ASMTL: variants seen among roughly 807,000 people sequenced by gnomAD.
ASMTL encodes probable bifunctional dTTP/UTP pyrophosphatase/methyltransferase protein.
In ASMTL, 57 loss-of-function variants were observed where a neutral mutation model predicts 60.3. The observed-to-expected ratio is 0.95, with a 90% CI of 0.76 to 1.18. The LOEUF (loss-of-function observed/expected upper bound fraction) is 1.18. ASMTL is among the 50% of genes most tolerant of loss of function. The pLI is 0.00. For synonymous variants in ASMTL, 419 were observed against 373.0 expected, an observed-to-expected ratio of 1.12 and a Z score of -1.42; for missense variants, 981 against 852.6, an observed-to-expected ratio of 1.15 and a Z score of -1.88.
intron 9 of ASMTL, among the ~76,000 whole-genome samples, chrX:1,419,560 T>G (rs2090416481): frequency 6.6e-6 from 1 of 151,674 alleles, no homozygotes; most frequent in Non-Finnish European, 1.5e-5. Flanking sequence ...AATTCTGGTG[T>G]GCAGAGGAGA....
chrX:1,440,716 C>T (rs766762025), intron 2 of ASMTL, among the ~76,000 whole-genome samples: 1 of 152,242 alleles, frequency 6.6e-6, no homozygotes, highest in Admixed American at 6.5e-5. Context: ...GGTGGATCAC[C>T]TGAGGTCAGG....
intron 2 of ASMTL, chrX:1,441,924 T>C (rs1435774107): frequency 1.3e-5 from 6 of 469,048 alleles, no homozygotes; most frequent in Non-Finnish European, 2.3e-5. Context: ...ACATTAATTG[T>C]ATATCATCAA....
At chrX:1,440,862 T>C (rs1409299133) in intron 2 of ASMTL, among the ~76,000 whole-genome samples, 1 of 152,160 alleles carries the variant, frequency 6.6e-6, no homozygotes, top group African/African-American at 2.4e-5. Context: ...TCATAGTATA[T>C]TACATAGTAT....
At chrX:1,452,913 A>C (rs2091432585), upstream of ASMTL, 1 of 1,243,198 alleles carries the variant, frequency 8.0e-7, no homozygotes, top group African/African-American at 1.6e-5. Context: ...GCGGCTGCAA[A>C]AAAAACAGGC....
chrX:1,453,007 G>C, upstream of ASMTL: 1 of 554,044 alleles, frequency 1.8e-6, no homozygotes, highest in East Asian at 3.6e-5. Context: ...TGGCCTCCCC[G>C]CGAGACCGCG....
chrX:1,415,889 G>C (rs2090228182), intron 11 of ASMTL, among the ~76,000 whole-genome samples: 1 of 151,986 alleles, frequency 6.6e-6, no homozygotes, highest in African/African-American at 2.4e-5. Flanking sequence ...CAGATGCACA[G>C]AAATGCAGAC....
chrX:1,437,065 C>G (rs1490789653), intron 3 of ASMTL, among the ~76,000 whole-genome samples: 4 of 147,182 alleles, frequency 2.7e-5, no homozygotes, highest in Non-Finnish European at 5.9e-5. Flanking sequence ...TCCTCATCTC[C>G]TCTTCTTATG....
intron 6 of ASMTL, among the ~76,000 whole-genome samples, chrX:1,431,200 T>TAATTTATAATTAATTATATATAATTA (rs1569533717): frequency 5.6e-5 from 7 of 124,684 alleles, no homozygotes; most frequent in African/African-American, 2.2e-4. Context: ...TAATTATATA[T>TAATTTATAATTAATTATATATAATTA]CATTTATAAT....
At chrX:1,417,596 C>T (rs1345689728) in intron 11 of ASMTL, among the ~76,000 whole-genome samples, 2 of 150,816 alleles carry the variant, frequency 1.3e-5, no homozygotes, top group African/African-American at 4.9e-5. Flanking sequence ...CGGCTCACAG[C>T]ATGCACACAG....
At chrX:1,408,062 A>C (rs2089932887) in intron 12 of ASMTL, among the ~76,000 whole-genome samples, 1 of 151,834 alleles carries the variant, frequency 6.6e-6, no homozygotes, top group Non-Finnish European at 1.5e-5. Context: ...CTAACAGGGC[A>C]TGATAACAAA....
intron 11 of ASMTL, among the ~76,000 whole-genome samples, chrX:1,417,454 CAG>C (rs2090330430): frequency 1.3e-5 from 2 of 150,600 alleles, no homozygotes; most frequent in South Asian, 2.1e-4. Flanking sequence ...ACATACTACA[CAG>C]ACGTGCACAC....
chrX:1,424,660 TCATCGATC>T (rs1456269023), intron 8 of ASMTL, among the ~76,000 whole-genome samples: 1 of 140,762 alleles, frequency 7.1e-6, no homozygotes, highest in Non-Finnish European at 1.5e-5. Context: ...ATCCACCGAT[TCATCGATC>T]CATCCATCCA....
At chrX:1,421,193 G>A (rs1330353021) in intron 9 of ASMTL, among the ~76,000 whole-genome samples, 1 of 151,872 alleles carries the variant, frequency 6.6e-6, no homozygotes, top group East Asian at 1.9e-4. Flanking sequence ...TCGCACTCCT[G>A]ACCTCAGGTG....
intron 9 of ASMTL, among the ~76,000 whole-genome samples, chrX:1,419,847 T>C (rs1209188160): frequency 6.6e-6 from 1 of 152,224 alleles, no homozygotes; most frequent in Admixed American, 6.5e-5. Flanking sequence ...ATGCCCACGC[T>C]GGCTGCTCAC....
chrX:1,434,941 C>T, intron 5 of ASMTL, 81 bp downstream of exon 5: 1 of 1,512,354 alleles, frequency 6.6e-7, no homozygotes, highest in Non-Finnish European at 9.2e-7. Context: ...CCGTCCTCCT[C>T]CCTCAAGCCA....
At chrX:1,426,938 A>G (rs28406106) in intron 7 of ASMTL, among the ~76,000 whole-genome samples, 97,783 of 151,252 alleles carry the variant, frequency 0.65, 32,517 homozygotes, top group East Asian at 0.83. Flanking sequence ...AGCCGAGATC[A>G]TGCCACTGCA....
chrX:1,405,652 GAGA>G (rs2089798794), intron 12 of ASMTL, among the ~76,000 whole-genome samples: 1 of 151,314 alleles, frequency 6.6e-6, no homozygotes, highest in Admixed American at 6.6e-5. Flanking sequence ...ATGCATGGAT[GAGA>G]TGGATGGATG....
chrX:1,445,652 C>T (rs1245742071), intron 1 of ASMTL, among the ~76,000 whole-genome samples: 1 of 152,010 alleles, frequency 6.6e-6, no homozygotes, highest in East Asian at 1.9e-4. Context: ...AGACCGAGGA[C>T]ACGAGCTCTT....
At chrX:1,453,392 C>T (rs1334231979), upstream of ASMTL, among the ~76,000 whole-genome samples, 32 of 151,764 alleles carry the variant, frequency 2.1e-4, no homozygotes, top group Admixed American at 3.3e-4. Context: ...AAGCACCGCC[C>T]CCAGCTCCGC....
Sources: gnomAD v4.1 joint callset for allele counts (sites outside exome capture counted in the v4.1 genomes callset) on GRCh38, gnomAD v4.1.1 for gene constraint, MANE v1.5 for transcripts, NCBI Gene and HGNC (gene_info 2026-07-23, HGNC 2026-07-21) for gene names.